The following SPATA17 variants were observed in gnomAD, a reference collection of about 807,000 sequenced individuals.
The protein encoded by SPATA17 is spermatogenesis associated 17.
Under a neutral mutation model 62.2 loss-of-function variants are expected in SPATA17, and 53 were observed. The observed-to-expected ratio is 0.85, with a 90% confidence interval of 0.68 to 1.07. The LOEUF (loss-of-function observed/expected upper bound fraction) is 1.07. Ranked by LOEUF, SPATA17 falls within the 50% of genes least tolerant of loss-of-function variation. The pLI is 0.00. For missense variants in SPATA17, 466 were observed against 425.5 expected (o/e 1.10, Z -0.84); for synonymous variants, 146 against 146.8 (o/e 0.99, Z 0.04).
chr1:217,716,341 A>C (rs1315947050), intron 5 of SPATA17, among the ~76,000 whole-genome samples: 2 of 152,206 alleles, frequency 1.3e-5, no homozygotes. Context: ...GCACCTAAAA[A>C]TCAAAGCAGC....
chr1:217,698,920 G>T (rs557598124), intron 5 of SPATA17, among the ~76,000 whole-genome samples: 1 of 152,228 alleles, frequency 6.6e-6, no homozygotes, highest in African/African-American at 2.4e-5. Flanking sequence ...TCTGTTTGCC[G>T]TTTCTATAAT....
intron 3 of SPATA17, among the ~76,000 whole-genome samples, chr1:217,657,598 C>T (rs1670472157): frequency 6.6e-6 from 1 of 152,122 alleles, no homozygotes; most frequent in African/African-American, 2.4e-5. Flanking sequence ...TTAATTTCTG[C>T]TGCATAATTT....
At chr1:217,778,660 G>C (rs1173234564) in intron 7 of SPATA17, among the ~76,000 whole-genome samples, 1 of 152,080 alleles carries the variant, frequency 6.6e-6, no homozygotes, top group African/African-American at 2.4e-5. Context: ...TAAAATAAGG[G>C]CATGTAAATA....
intron 9 of SPATA17, among the ~76,000 whole-genome samples, chr1:217,845,968 G>C (rs1567447): frequency 0.09 from 13,612 of 152,044 alleles, 762 homozygotes; most frequent in African/African-American, 0.16. Flanking sequence ...ATTAATATAA[G>C]ATTTCTTGGA....
At chr1:217,852,640 CA>C (rs1200283795) in intron 9 of SPATA17, among the ~76,000 whole-genome samples, 1 of 152,170 alleles carries the variant, frequency 6.6e-6, no homozygotes, top group Non-Finnish European at 1.5e-5. Flanking sequence ...TTGCAAATCC[CA>C]AATGCATTAA....
chr1:217,761,585 C>A (rs1444738298), intron 6 of SPATA17, among the ~76,000 whole-genome samples: 1 of 152,050 alleles, frequency 6.6e-6, no homozygotes, highest in African/African-American at 2.4e-5. Context: ...TGAGAGGTTG[C>A]AGATAAAGGA....
chr1:217,799,753 C>A (rs1166277805), intron 8 of SPATA17, among the ~76,000 whole-genome samples: 1 of 151,796 alleles, frequency 6.6e-6, no homozygotes, highest in Non-Finnish European at 1.5e-5. Context: ...TAATAATTTT[C>A]CATTGAATTT....
chr1:217,838,463 G>C (rs1244859077), intron 9 of SPATA17, among the ~76,000 whole-genome samples: 1 of 151,866 alleles, frequency 6.6e-6, no homozygotes, highest in Non-Finnish European at 1.5e-5. Context: ...GTCCATTAAA[G>C]AAATGATACA....
rs1283315268 is a variant in SPATA17 at position 217,648,940 on chromosome 1, T to G, written c.127T>G (p.Phe43Val). The G allele has an allele frequency of 1.2e-6, 2 of 1,610,572 alleles. No homozygotes were observed. The highest frequency in any genetic ancestry group is 4.5e-5 in the East Asian group (2 of 44,672). ...NDAAVKIQSW[F>V]RGCQVRAYIR... The stretch of plus-strand genomic sequence containing the variant: ...TGCAGCAGTTAAAATCCAAAGCTGG[T>G]TTCGAGGATGTCAAGTTCGGGCATA... The change falls in exon 2 of 11, where the codon TTT (phenylalanine) becomes GTT (valine). Residue 43 changes from phenylalanine to valine, a missense_variant. Physicochemically the swap from Phe to Val is conservative, Grantham distance 50 (BLOSUM62 -1). Transcript: ENST00000366933.
chr1:217,713,986 T>C (rs1169328824), intron 5 of SPATA17, among the ~76,000 whole-genome samples: 1 of 152,164 alleles, frequency 6.6e-6, no homozygotes, highest in African/African-American at 2.4e-5. Flanking sequence ...AAAATTTGCA[T>C]CCAGCAGAAA....
At chr1:217,705,167 T>C (rs1298730897) in intron 5 of SPATA17, among the ~76,000 whole-genome samples, 1 of 152,168 alleles carries the variant, frequency 6.6e-6, no homozygotes, top group Non-Finnish European at 1.5e-5. Flanking sequence ...ATGTTGAGCA[T>C]TTTTTCATAT....
At chr1:217,787,364 C>T (rs1405082873) in intron 8 of SPATA17, among the ~76,000 whole-genome samples, 3 of 152,012 alleles carry the variant, frequency 2.0e-5, no homozygotes, top group Admixed American at 6.6e-5. Flanking sequence ...TTTCTTATTT[C>T]GAGACACAGT....
intron 5 of SPATA17, among the ~76,000 whole-genome samples, chr1:217,732,691 C>A (rs981653587): frequency 6.6e-6 from 1 of 152,104 alleles, no homozygotes; most frequent in Non-Finnish European, 1.5e-5. Flanking sequence ...TTTTATTTCA[C>A]AAAGATGAAC....
chr1:217,661,903 C>G (rs1670579603), intron 3 of SPATA17, among the ~76,000 whole-genome samples: 1 of 152,134 alleles, frequency 6.6e-6, no homozygotes, highest in Non-Finnish European at 1.5e-5. Flanking sequence ...GGGGACCCAT[C>G]TTGTTTTAGC....
At chr1:217,756,074 C>T (rs1673034155) in intron 6 of SPATA17, among the ~76,000 whole-genome samples, 1 of 152,050 alleles carries the variant, frequency 6.6e-6, no homozygotes, top group African/African-American at 2.4e-5. Flanking sequence ...TTGATATCTC[C>T]AGTTTCTCAT....
At chr1:217,753,120 G>C (rs892606891) in intron 6 of SPATA17, among the ~76,000 whole-genome samples, 2 of 152,130 alleles carry the variant, frequency 1.3e-5, no homozygotes, top group Admixed American at 1.3e-4. Flanking sequence ...ACTGATATCT[G>C]ACTTTTGCCA....
At chr1:217,846,616 A>C (rs1558074599) in intron 9 of SPATA17, among the ~76,000 whole-genome samples, 2 of 152,042 alleles carry the variant, frequency 1.3e-5, no homozygotes. Context: ...TCAAGCTGCT[A>C]ATGGATAGAA....
chr1:217,859,656 C>T (rs1221564583), intron 9 of SPATA17, among the ~76,000 whole-genome samples: 1 of 152,124 alleles, frequency 6.6e-6, no homozygotes, highest in Non-Finnish European at 1.5e-5. Context: ...ACCCTCCCAC[C>T]TTGGCCTCCT....
At chr1:217,748,041 C>A (rs1012333714) in intron 6 of SPATA17, among the ~76,000 whole-genome samples, 2 of 152,120 alleles carry the variant, frequency 1.3e-5, no homozygotes, top group African/African-American at 4.8e-5. Flanking sequence ...CGGTGGCTCA[C>A]GCCTGTAATT....
Sources: allele counts gnomAD v4.1 joint callset (sites outside exome capture counted in the v4.1 genomes callset), GRCh38; gene constraint gnomAD v4.1.1; transcripts MANE v1.5; gene names NCBI Gene and HGNC (gene_info 2026-07-23, HGNC 2026-07-21).